CAPRIN1: variants seen among roughly 807,000 people sequenced by gnomAD.
The protein encoded by CAPRIN1 is cell cycle associated protein 1.
In CAPRIN1, 29 loss-of-function variants were observed where a neutral mutation model predicts 100.9. The ratio of observed to expected loss-of-function variants is 0.29; its 90% CI spans 0.21 to 0.39. The LOEUF is 0.39. Ranked by LOEUF, CAPRIN1 falls within the 10% of genes least tolerant of loss-of-function variation. CAPRIN1 has a pLI of 1.00. For synonymous variants in CAPRIN1, 338 were observed against 307.5 expected (o/e 1.10, Z -1.04); for missense variants, 795 against 876.7 (o/e 0.91, Z 1.18).
At chr11:34,060,024 G>A (rs527963334) in intron 2 of CAPRIN1, among the ~76,000 whole-genome samples, 5 of 150,238 alleles carry the variant, frequency 3.3e-5, no homozygotes, top group East Asian at 3.9e-4. Context: ...GTGAAACCCC[G>A]CCTCTATTAA....
intron 2 of CAPRIN1, among the ~76,000 whole-genome samples, chr11:34,063,970 G>C (rs185102257): frequency 4.6e-5 from 7 of 152,228 alleles, no homozygotes; most frequent in Admixed American, 3.9e-4. Context: ...GTTTCTCCAT[G>C]TTGGTCAGGC....
chr11:34,090,348 G>GA, intron 13 of CAPRIN1, 59 bp downstream of exon 13: 1 of 1,281,918 alleles, frequency 7.8e-7, no homozygotes, highest in Non-Finnish European at 1.1e-6. Flanking sequence ...GAATTGAACA[G>GA]ATGTACATTA....
chr11:34,072,704 A>G (rs1449245243), intron 4 of CAPRIN1, among the ~76,000 whole-genome samples: 1 of 152,184 alleles, frequency 6.6e-6, no homozygotes, highest in Non-Finnish European at 1.5e-5. Flanking sequence ...AAAGTCAGAT[A>G]ATTTGTTGAG....
At chr11:34,088,113 C>T (rs1851187320) in intron 11 of CAPRIN1, among the ~76,000 whole-genome samples, 1 of 152,160 alleles carries the variant, frequency 6.6e-6, no homozygotes, top group South Asian at 2.1e-4. Flanking sequence ...AGGGATTCTC[C>T]TGCCTCAGCC....
chr11:34,062,018 T>C (rs990299520), intron 2 of CAPRIN1, among the ~76,000 whole-genome samples: 1 of 151,896 alleles, frequency 6.6e-6, no homozygotes. Context: ...TTTAATAGTC[T>C]TTGTTTTCTG....
At chr11:34,086,437 TGA>T (rs758693493) in intron 11 of CAPRIN1, 24 bp downstream of exon 11, 22 of 1,382,642 alleles carry the variant, frequency 1.6e-5, no homozygotes, top group Non-Finnish European at 2.2e-5. Flanking sequence ...CATTTTTATG[TGA>T]GAGAGAAATA....
chr11:34,056,289 G>A (rs1285597688), intron 2 of CAPRIN1, among the ~76,000 whole-genome samples: 2 of 150,022 alleles, frequency 1.3e-5, no homozygotes, highest in Non-Finnish European at 3.0e-5. Context: ...TGGATATGTA[G>A]TATTGCTTAA....
intron 2 of CAPRIN1, among the ~76,000 whole-genome samples, chr11:34,065,961 G>A (rs1255336486): frequency 1.3e-5 from 2 of 152,076 alleles, no homozygotes; most frequent in African/African-American, 4.8e-5. Context: ...TTTTTATTGT[G>A]GTTAGAAAAA....
chr11:34,073,709 G>A (rs1316001605), intron 4 of CAPRIN1, among the ~76,000 whole-genome samples: 1 of 152,166 alleles, frequency 6.6e-6, no homozygotes, highest in Non-Finnish European at 1.5e-5. Flanking sequence ...TACAGTGTGA[G>A]CCAACGTGCC....
intron 9 of CAPRIN1, among the ~76,000 whole-genome samples, chr11:34,084,422 A>C (rs1162805059): frequency 1.3e-5 from 2 of 152,226 alleles, no homozygotes; most frequent in Non-Finnish European, 2.9e-5. Context: ...TAAAGAATGC[A>C]GTTCAGAAAT....
intron 6 of CAPRIN1, among the ~76,000 whole-genome samples, chr11:34,076,998 G>A (rs59249605): frequency 6.6e-6 from 1 of 152,134 alleles, no homozygotes; most frequent in South Asian, 2.1e-4. Context: ...GCCTCCCAGA[G>A]TGCTGGGATT....
chr11:34,093,199 TA>T (rs113431547), intron 15 of CAPRIN1, among the ~76,000 whole-genome samples: 129,878 of 149,802 alleles, frequency 0.87, 56,529 homozygotes, highest in East Asian at 0.99. Context: ...TTTTTTTATA[TA>T]TATATTTTTT....
In CAPRIN1 at chr11:34,079,692, C is replaced by T; in HGVS notation, c.753C>T (p.Asn251=). ...FQSNYFDSTH[N]HQNGLCEEEE... ...CAAACTACTTTGACAGCACCCACAA[C>T]CACCAGAATGGGCTGTGTGAGGAAG... Residue 251 remains asparagine (N), a synonymous_variant, in exon 7 of 19, where the codon AAC becomes AAT. Transcript: ENST00000341394. 6.2e-7 allele frequency: 1 copy of T among 1,614,118 alleles called. No homozygotes were observed. Among genetic ancestry groups the T allele is most frequent in the Non-Finnish European group, 8.5e-7 (1 of 1,179,998 alleles).
At chr11:34,058,296 C>G (rs1850497440) in intron 2 of CAPRIN1, among the ~76,000 whole-genome samples, 3 of 152,030 alleles carry the variant, frequency 2.0e-5, no homozygotes, top group Admixed American at 2.0e-4. Flanking sequence ...GCCACCACGC[C>G]CAGCTAATTT....
intron 14 of CAPRIN1, 60 bp from the exon 15 acceptor site, chr11:34,091,846 G>A: frequency 1.4e-6 from 2 of 1,479,594 alleles, no homozygotes; most frequent in Non-Finnish European, 1.8e-6. Context: ...ATTGAGTTTG[G>A]CCATGTTATA....
chr11:34,053,029 C>G (rs999751915), intron 2 of CAPRIN1: 1 of 1,041,552 alleles, frequency 9.6e-7, no homozygotes, highest in African/African-American at 1.7e-5. Context: ...GAAGAGGTCC[C>G]TGCGCGGGGG....
At chr11:34,077,869 A>G (rs191382461) in intron 6 of CAPRIN1, among the ~76,000 whole-genome samples, 270 of 152,278 alleles carry the variant, frequency 1.8e-3, no homozygotes, top group African/African-American at 6.4e-3. Flanking sequence ...ATTTCTTTGT[A>G]CAATATGTGT....
chr11:34,062,962 ATC>A (rs1470654229), intron 2 of CAPRIN1: 1 of 152,118 alleles, frequency 6.6e-6, no homozygotes, highest in East Asian at 1.9e-4. Context: ...GGAGTTTATC[ATC>A]TCTCTTTGCT....
At position 34,090,562 on chromosome 11, in the gene CAPRIN1, G is replaced by C. The variant is rs773239775; in HGVS notation, c.1438G>C (p.Ala480Pro). Residue 480 changes from alanine to proline, a missense_variant, in exon 14 of 19, where the codon GCA (alanine) becomes CCA (proline). Around this residue, in one of 3 missense-constraint regions of CAPRIN1, gnomAD observed 648 missense variants for 697.9 expected, o/e 0.93. Coordinates refer to ENST00000341394, the MANE Select transcript of CAPRIN1 (RefSeq NM_005898.5). ...TISLNTDQTTASSSLPAASQP... is the reference protein window; with the variant it reads ...TISLNTDQTTPSSSLPAASQP... ...CTCTTTAAATACAGACCAGACTACA[G>C]CATCATCATCCCTTCCTGCTGCGTC... is the stretch of plus-strand genomic sequence containing the variant. 1 of 1,614,122 alleles carries C rather than the reference G, an allele frequency of 6.2e-7. No homozygotes were observed. Among genetic ancestry groups the C allele is most frequent in the Non-Finnish European group, 8.5e-7 (1 of 1,180,008 alleles).
Sources: allele counts gnomAD v4.1 joint callset (sites outside exome capture counted in the v4.1 genomes callset), GRCh38; gene constraint gnomAD v4.1.1; regional missense constraint gnomAD v4.1.1; transcripts MANE v1.5; gene names NCBI Gene and HGNC (gene_info 2026-07-23, HGNC 2026-07-21).